The following CADPS2 variants were observed in gnomAD, a reference collection of about 807,000 sequenced individuals.
CADPS2 encodes calcium-dependent secretion activator 2.
CADPS2 carries 93 observed loss-of-function variants against 172.5 expected under a neutral mutation model. The ratio of observed to expected loss-of-function variants is 0.54; its 90% CI spans 0.46 to 0.64. CADPS2 has a LOEUF of 0.64. Among genes scored for constraint, CADPS2 ranks in the 30% least tolerant of loss-of-function variants. The pLI is 0.00. For missense variants in CADPS2, 1,420 were observed against 1,565.9 expected (o/e 0.91, Z 1.57); for synonymous variants, 546 against 555.2 (o/e 0.98, Z 0.23).
chr7:122,471,529 C>G lies in CADPS2; in HGVS notation c.2032G>C (p.Asp678His). 6.2e-7 allele frequency: 1 copy of G among 1,608,024 alleles called. No individual in the cohort carries two copies. The highest frequency in any genetic ancestry group is 8.5e-7 in the Non-Finnish European group (1 of 1,177,010). ...ACACCATAACGGGCACAGTACTCAT[C>G]TAACACAAAGACTTGGCCAGGGCTA... ...WFSPGQVFVL[D>H]EYCARYGVRG... The change falls in exon 14 of 30, where the codon GAT becomes CAT. Residue 678 changes from aspartate (D) to histidine (H), a missense_variant. By Grantham distance (81) the Asp-to-His change is moderately conservative. Coordinates refer to ENST00000449022, the MANE Select transcript of CADPS2 (RefSeq NM_017954.11).
chr7:122,379,153 G>A, intron 25 of CADPS2: 1 of 386,058 alleles, frequency 2.6e-6, no homozygotes, highest in Middle Eastern at 7.7e-4. Flanking sequence ...ACAATTGTAG[G>A]AAAAGCCAAA....
At position 122,722,325 on chromosome 7, in the gene CADPS2, A is replaced by T. The variant is rs545777303; in HGVS notation, c.453+14630T>A. Among the ~76,000 whole-genome samples, 1,479 of 152,188 alleles carry T rather than the reference A, an allele frequency of 9.7e-3. 23 individuals carry two copies. Among genetic ancestry groups the T allele is most frequent in the African/African-American group, 0.034 (1,403 of 41,522 alleles). On this transcript the variant is annotated intron_variant, in intron 2 of 29. Coordinates refer to ENST00000449022, the MANE Select transcript of CADPS2 (RefSeq NM_017954.11). ...CTCAGCCCAAAATCTCCTTAAGCTG[A>T]TAAGCAACTTCAGCAAACTCTCAGG... is the stretch of plus-strand genomic sequence containing the variant.
At position 122,581,308 on chromosome 7, in the gene CADPS2, A is replaced by C. The variant is rs753956478; in HGVS notation, c.1224-18T>G. 1 of 1,593,448 alleles carries C rather than the reference A, an allele frequency of 6.3e-7. No individual in the cohort carries two copies. The highest frequency in any genetic ancestry group is 2.2e-5 in the East Asian group (1 of 44,610). On this transcript the variant is annotated intron_variant, in intron 6 of 29. Transcript: ENST00000449022. ...TCCCCCATCTGTAATGAAGTAAAAA[A>C]AATGTTTCTTAAAATGCAGCATTAT... is the stretch of plus-strand genomic sequence containing the variant.
chr7:122,840,871 T>C (rs1810284067), intron 1 of CADPS2, among the ~76,000 whole-genome samples: 1 of 152,170 alleles, frequency 6.6e-6, no homozygotes, highest in Admixed American at 6.5e-5. Flanking sequence ...TAACAATGTT[T>C]AGTAAAGAAG....
chr7:122,667,237 C>A (rs554257726), intron 2 of CADPS2, among the ~76,000 whole-genome samples: 2 of 152,232 alleles, frequency 1.3e-5, no homozygotes, highest in South Asian at 2.1e-4. Context: ...ATAGTTTGAC[C>A]AGCAAGATAT....
chr7:122,723,024 T>A (rs920613929), intron 2 of CADPS2, among the ~76,000 whole-genome samples: 23 of 152,106 alleles, frequency 1.5e-4, no homozygotes, highest in African/African-American at 5.1e-4. Context: ...TATACAAAAA[T>A]TAATTCAAGA....
At chr7:122,767,356 T>C (rs2093585492) in intron 1 of CADPS2, among the ~76,000 whole-genome samples, 2 of 152,162 alleles carry the variant, frequency 1.3e-5, no homozygotes, top group African/African-American at 2.4e-5. Flanking sequence ...CCCATGCAGA[T>C]AAGTGATAGA....
chr7:122,867,664 C>T (rs1028474308), intron 1 of CADPS2, among the ~76,000 whole-genome samples: 8 of 152,148 alleles, frequency 5.3e-5, no homozygotes, highest in Non-Finnish European at 7.3e-5. Context: ...AGTTGTAGCC[C>T]CCAGGATCAG....
intron 8 of CADPS2, among the ~76,000 whole-genome samples, chr7:122,541,766 T>C (rs1172311240): frequency 6.9e-6 from 1 of 145,284 alleles, no homozygotes; most frequent in Non-Finnish European, 1.5e-5. Context: ...CATATATTTA[T>C]ATATTCACAT....
intron 1 of CADPS2, among the ~76,000 whole-genome samples, chr7:122,833,709 A>G (rs1244046750): frequency 6.6e-6 from 1 of 152,118 alleles, no homozygotes; most frequent in Middle Eastern, 3.2e-3. Flanking sequence ...ATGTTTAAAT[A>G]CTAAGGCTGA....
chr7:122,618,676 TG>T (rs1257185361), intron 5 of CADPS2, among the ~76,000 whole-genome samples: 1 of 152,202 alleles, frequency 6.6e-6, no homozygotes, highest in Non-Finnish European at 1.5e-5. Flanking sequence ...TTTAACTGCT[TG>T]CCTTTCAGAG....
intron 9 of CADPS2, among the ~76,000 whole-genome samples, chr7:122,503,813 T>G (rs962268898): frequency 6.6e-6 from 1 of 152,062 alleles, no homozygotes; most frequent in African/African-American, 2.4e-5. Context: ...TGCCTCAGAA[T>G]TGGGAAAAAA....
At chr7:122,836,134 T>C (rs901252540) in intron 1 of CADPS2, among the ~76,000 whole-genome samples, 6 of 152,130 alleles carry the variant, frequency 3.9e-5, no homozygotes, top group Non-Finnish European at 8.8e-5. Flanking sequence ...TCAACATTCT[T>C]AAAGAAAACA....
intron 1 of CADPS2, among the ~76,000 whole-genome samples, chr7:122,859,454 A>T (rs906310726): frequency 1.3e-5 from 2 of 152,204 alleles, no homozygotes; most frequent in African/African-American, 4.8e-5. Context: ...TATCAAGGTC[A>T]TTTTAGAACC....
At chr7:122,841,714 A>C (rs1231055817) in intron 1 of CADPS2, among the ~76,000 whole-genome samples, 1 of 152,204 alleles carries the variant, frequency 6.6e-6, no homozygotes. Flanking sequence ...AAATAACTAA[A>C]GAAAACGAAG....
intron 1 of CADPS2, among the ~76,000 whole-genome samples, chr7:122,788,571 G>A (rs1794581480): frequency 1.3e-5 from 2 of 152,254 alleles, no homozygotes; most frequent in African/African-American, 4.8e-5. Flanking sequence ...AAAATCCTAT[G>A]ACTCTTTTCC....
chr7:122,760,053 T>C (rs1013208865), intron 1 of CADPS2, among the ~76,000 whole-genome samples: 3 of 151,808 alleles, frequency 2.0e-5, no homozygotes, highest in African/African-American at 7.2e-5. Context: ...TATAGTACAA[T>C]GAATAATTTT....
chr7:122,511,033 C>T (rs998308578), intron 9 of CADPS2, among the ~76,000 whole-genome samples: 4 of 152,122 alleles, frequency 2.6e-5, no homozygotes, highest in Non-Finnish European at 5.9e-5. Context: ...AATGCTTAAA[C>T]ATGACTTCAA....
At chr7:122,747,372 G>C (rs185947009) in intron 1 of CADPS2, among the ~76,000 whole-genome samples, 1 of 152,214 alleles carries the variant, frequency 6.6e-6, no homozygotes. Context: ...TCATAAGCCA[G>C]AGAAAATTTC....
Sources: allele counts gnomAD v4.1 joint callset (sites outside exome capture counted in the v4.1 genomes callset), GRCh38; gene constraint gnomAD v4.1.1; transcripts MANE v1.5; gene names NCBI Gene and HGNC (gene_info 2026-07-23, HGNC 2026-07-21).